Variants in PXDNL observed in about 807,000 individuals in gnomAD.
The protein encoded by PXDNL is peroxidasin like.
In PXDNL, 145 loss-of-function variants were observed where a neutral mutation model predicts 150.8. The observed-to-expected ratio is 0.96, with a 90% CI of 0.84 to 1.10. The LOEUF (loss-of-function observed/expected upper bound fraction) is 1.10. Ranked by LOEUF, PXDNL falls within the 50% of genes least tolerant of loss-of-function variation. The pLI, the probability that PXDNL is intolerant of heterozygous loss-of-function variation, is 0.00. For synonymous variants in PXDNL, 757 were observed against 725.7 expected, an observed-to-expected ratio of 1.04 and a Z score of -0.69; for missense variants, 2,087 against 1,873.9, an observed-to-expected ratio of 1.11 and a Z score of -2.10.
intron 1 of PXDNL, among the ~76,000 whole-genome samples, chr8:51,738,140 C>A (rs999439014): frequency 3.3e-5 from 5 of 152,184 alleles, no homozygotes; most frequent in Non-Finnish European, 7.3e-5. Flanking sequence ...TCCTTTTATC[C>A]CACCCACAAT....
chr8:51,498,507 G>A (rs536771731), intron 5 of PXDNL, among the ~76,000 whole-genome samples: 1 of 152,218 alleles, frequency 6.6e-6, no homozygotes, highest in East Asian at 1.9e-4. Flanking sequence ...AACTTCATTT[G>A]ATAAAAGACA....
chr8:51,451,331 G>A (rs16916309), intron 10 of PXDNL, among the ~76,000 whole-genome samples: 8,648 of 152,142 alleles, frequency 0.057, 392 homozygotes, highest in East Asian at 0.23. Context: ...ACACTAAAAT[G>A]AGCAGCTTGC....
chr8:51,435,706 C>T (rs943200900), intron 12 of PXDNL: 4 of 306,732 alleles, frequency 1.3e-5, no homozygotes, highest in African/African-American at 6.9e-5. Context: ...TGGGCACCAC[C>T]GCAGAGGAGG....
rs552404663 is a variant in PXDNL, at chr8:51,808,174, A to G, written c.164+1007T>C. Among the ~76,000 whole-genome samples the G allele has an allele frequency of 7.6e-4, 115 of 152,314 alleles. 1 individual carries two copies. The highest frequency in any genetic ancestry group is 1.3e-3 in the Non-Finnish European group (90 of 68,034). On this transcript the variant is annotated intron_variant, in intron 1 of 22. Transcript: ENST00000356297. ...GTGGCAATGATCCTCTTAAACATTT[A>G]TATCTCAAAATTCCAGGAATTTTAA... is the stretch of plus-strand genomic sequence containing the variant.
intron 17 of PXDNL, among the ~76,000 whole-genome samples, chr8:51,380,591 CTACA>C (rs973292438): frequency 1.7e-4 from 26 of 152,262 alleles, no homozygotes; most frequent in African/African-American, 5.3e-4. Flanking sequence ...TTCCCATTTA[CTACA>C]TAGAGTATTT....
At chr8:51,665,109 A>G (rs1815355151) in intron 1 of PXDNL, among the ~76,000 whole-genome samples, 1 of 152,138 alleles carries the variant, frequency 6.6e-6, no homozygotes, top group Non-Finnish European at 1.5e-5. Flanking sequence ...CCACACTGGA[A>G]TGTGGATTTC....
At chr8:51,671,514 A>T (rs1263144486) in intron 1 of PXDNL, among the ~76,000 whole-genome samples, 3 of 152,192 alleles carry the variant, frequency 2.0e-5, no homozygotes, top group Admixed American at 6.5e-5. Context: ...AGTAGAAAAA[A>T]ATTAAACATT....
chr8:51,561,260 G>T (rs1812713823), intron 3 of PXDNL, among the ~76,000 whole-genome samples: 2 of 151,814 alleles, frequency 1.3e-5, no homozygotes, highest in Non-Finnish European at 2.9e-5. Context: ...ATACTTCTGG[G>T]CATATATCTG....
At chr8:51,808,641 G>C (rs1468819252) in intron 1 of PXDNL, among the ~76,000 whole-genome samples, 2 of 152,268 alleles carry the variant, frequency 1.3e-5, no homozygotes, top group East Asian at 3.9e-4. Context: ...AAGCATTCAA[G>C]AACTCTACTG....
At chr8:51,534,422 C>T in intron 4 of PXDNL, among the ~76,000 whole-genome samples, 1 of 136,984 alleles carries the variant, frequency 7.3e-6, no homozygotes, top group African/African-American at 3.0e-5. Context: ...GCCCGGCCGC[C>T]CCTACTGGGA....
chr8:51,683,368 C>T (rs999706034), intron 1 of PXDNL, among the ~76,000 whole-genome samples: 10 of 151,054 alleles, frequency 6.6e-5, no homozygotes, highest in African/African-American at 2.4e-4. Context: ...ATTTGTATGT[C>T]TTCTTTGGAG....
intron 1 of PXDNL, among the ~76,000 whole-genome samples, chr8:51,773,899 T>C (rs35603537): frequency 0.18 from 27,333 of 152,210 alleles, 2,847 homozygotes; most frequent in Non-Finnish European, 0.22. Flanking sequence ...GTAGCCTTTC[T>C]TTCTTTCATG....
intron 2 of PXDNL, among the ~76,000 whole-genome samples, chr8:51,605,199 A>T (rs1002852333): frequency 1.2e-4 from 19 of 152,180 alleles, no homozygotes; most frequent in African/African-American, 4.3e-4. Flanking sequence ...GTGAAAAGCA[A>T]TAATTTTCTC....
chr8:51,712,021 C>G (rs1267185605), intron 1 of PXDNL, among the ~76,000 whole-genome samples: 1 of 152,100 alleles, frequency 6.6e-6, no homozygotes, highest in Non-Finnish European at 1.5e-5. Flanking sequence ...ATCCATCTCC[C>G]TGATTGACTA....
In PXDNL at chr8:51,582,331, C is replaced by T. The variant is rs564243988; in HGVS notation, c.308+10296G>A. Among the ~76,000 whole-genome samples the T allele has an allele frequency of 3.0e-4, 45 of 152,184 alleles. 2 individuals are homozygous for T. In the South Asian group the frequency reaches 5.0e-3, roughly 17 times the overall value. On this transcript the variant is annotated intron_variant, in intron 3 of 22. Transcript: ENST00000356297. ...CCAGACTCCAGAACTGGGAGAAAATCAGGGTTTGTTGGTTGAGCCATCTAG... is the reference window on the plus strand; with the variant it reads ...CCAGACTCCAGAACTGGGAGAAAATTAGGGTTTGTTGGTTGAGCCATCTAG...
At chr8:51,323,218 T>G (rs1805381085) in intron 21 of PXDNL, among the ~76,000 whole-genome samples, 1 of 152,194 alleles carries the variant, frequency 6.6e-6, no homozygotes, top group South Asian at 2.1e-4. Context: ...ACAGTAAAGC[T>G]TTTTCAAATT....
intron 3 of PXDNL, among the ~76,000 whole-genome samples, chr8:51,579,076 G>T (rs948460084): frequency 6.6e-6 from 1 of 151,960 alleles, no homozygotes; most frequent in East Asian, 1.9e-4. Context: ...TGACACCAAA[G>T]GTGTAACCCA....
intron 1 of PXDNL, among the ~76,000 whole-genome samples, chr8:51,744,073 G>C (rs764441505): frequency 1.8e-5 from 1 of 54,232 alleles, no homozygotes; most frequent in African/African-American, 8.8e-5. Flanking sequence ...AAGGAAGGAA[G>C]GAAGGAAGGA....
At chr8:51,349,550 GGC>G (rs1806269384) in intron 19 of PXDNL, among the ~76,000 whole-genome samples, 1 of 152,200 alleles carries the variant, frequency 6.6e-6, no homozygotes, top group African/African-American at 2.4e-5. Flanking sequence ...AGAAGAGAAG[GGC>G]CTTGTCCTAC....
Sources: allele counts gnomAD v4.1 joint callset (sites outside exome capture counted in the v4.1 genomes callset), GRCh38; gene constraint gnomAD v4.1.1; transcripts MANE v1.5; gene names NCBI Gene and HGNC (gene_info 2026-07-23, HGNC 2026-07-21).